NDE1: variants seen among roughly 807,000 people sequenced by gnomAD.
NDE1 encodes the protein nuclear distribution protein nudE homolog 1.
Under a neutral mutation model 43.4 loss-of-function variants are expected in NDE1, and 28 were observed. The ratio of observed to expected loss-of-function variants is 0.65; its 90% CI spans 0.48 to 0.89. The LOEUF is 0.89. NDE1 is among the 40% of genes least tolerant of loss of function. NDE1 has a pLI of 0.00. For synonymous variants in NDE1, 184 were observed against 172.0 expected (o/e 1.07, Z -0.55); for missense variants, 441 against 434.1 (o/e 1.02, Z -0.14).
At chr16:15,697,818 T>G (rs1190873622) in intron 8 of NDE1, among the ~76,000 whole-genome samples, 2 of 147,296 alleles carry the variant, frequency 1.4e-5, no homozygotes, top group African/African-American at 2.5e-5. Flanking sequence ...TTTTGTTTTG[T>G]TTTTTTTTTG....
chr16:15,668,606 C>T (rs1216506603), intron 3 of NDE1, among the ~76,000 whole-genome samples: 1 of 152,148 alleles, frequency 6.6e-6, no homozygotes, highest in African/African-American at 2.4e-5. Flanking sequence ...AGAGTAATAT[C>T]ATCAGGTCCA....
chr16:15,667,783 T>C (rs1198816362), intron 3 of NDE1, among the ~76,000 whole-genome samples: 6 of 151,666 alleles, frequency 4.0e-5, no homozygotes, highest in Non-Finnish European at 8.8e-5. Flanking sequence ...AGGCGCCTGC[T>C]ACCACGCCTG....
intron 8 of NDE1, chr16:15,699,843 G>T (rs1253201061): frequency 7.4e-7 from 1 of 1,347,668 alleles, no homozygotes; most frequent in Non-Finnish European, 9.8e-7. Context: ...GAAGCTGAAG[G>T]TCTTGGTGTT....
intron 8 of NDE1, chr16:15,703,872 G>C: frequency 7.4e-7 from 1 of 1,352,182 alleles, no homozygotes; most frequent in Non-Finnish European, 1.1e-6. Context: ...AATGGATTTA[G>C]ACAATGCTAA....
chr16:15,696,252 A>G (rs59493549), intron 7 of NDE1, among the ~76,000 whole-genome samples: 4,714 of 151,842 alleles, frequency 0.031, 260 homozygotes, highest in African/African-American at 0.11. Flanking sequence ...GCGGATGCCT[A>G]TAATTCCAGC....
At chr16:15,708,802 C>G (rs557821702) in intron 8 of NDE1, 5 of 1,607,542 alleles carry the variant, frequency 3.1e-6, no homozygotes, top group Admixed American at 3.4e-5. Flanking sequence ...AGGCATGATA[C>G]CTGGTGCATC....
At chr16:15,694,371 G>C (rs1164347550) in intron 7 of NDE1, 115 bp downstream of exon 7, 1 of 1,540,268 alleles carries the variant, frequency 6.5e-7, no homozygotes, top group South Asian at 1.2e-5. Context: ...TTAGAGACAG[G>C]GTCTTGCTCT....
intron 8 of NDE1, among the ~76,000 whole-genome samples, chr16:15,716,913 G>A (rs1259292324): frequency 1.4e-4 from 21 of 152,232 alleles, no homozygotes; most frequent in Admixed American, 1.4e-3. Flanking sequence ...GGACCATGGA[G>A]ATGCTAAGAG....
At chr16:15,704,261 C>T in intron 8 of NDE1, 1 of 918,612 alleles carries the variant, frequency 1.1e-6, no homozygotes, top group Non-Finnish European at 1.7e-6. Context: ...ACACACACGG[C>T]ACAAATAAGA....
chr16:15,723,055 T>G (rs2040568678), intron 8 of NDE1, among the ~76,000 whole-genome samples: 2 of 152,162 alleles, frequency 1.3e-5, no homozygotes, highest in South Asian at 4.1e-4. Flanking sequence ...CTCAAACTGA[T>G]TTTTAGAATA....
intron 7 of NDE1, chr16:15,694,945 G>T (rs1029145730): frequency 9.6e-5 from 93 of 968,482 alleles, no homozygotes; most frequent in Non-Finnish European, 1.1e-4. Context: ...GCCAAGGTGG[G>T]AGATTACTTG....
chr16:15,691,181 G>A lies in NDE1; in HGVS notation c.561G>A (p.Glu187=), dbSNP rs770820330. 5 of 1,614,132 alleles carry A rather than the reference G, an allele frequency of 3.1e-6. No homozygotes were observed. In the East Asian group the frequency reaches 8.9e-5, roughly 29 times the overall value. ...RQELAVQQKQ[E]KPRTPMPSSV... is the part of the protein sequence containing the mutation. ...AACTGGCCGTGCAGCAGAAGCAGGA[G>A]AAACCCAGGACCCCCATGCCCAGCT... The change falls in exon 6 of 9, where the codon GAG becomes GAA. Residue 187 remains glutamate (E), a synonymous_variant. Coordinates refer to ENST00000396354, the MANE Select transcript of NDE1 (RefSeq NM_017668.3).
chr16:15,692,831 G>C (rs2038819218), intron 6 of NDE1, among the ~76,000 whole-genome samples: 1 of 151,852 alleles, frequency 6.6e-6, no homozygotes, highest in East Asian at 1.9e-4. Context: ...CCAACTCCTG[G>C]GCTCCAGTGA....
At chr16:15,702,770 A>G (rs2039264962) in intron 8 of NDE1, among the ~76,000 whole-genome samples, 1 of 152,156 alleles carries the variant, frequency 6.6e-6, no homozygotes, top group Non-Finnish European at 1.5e-5. Context: ...TTTTAACTCA[A>G]AAAATCAAGG....
exon 1 of NDE1, chr16:15,643,591 G>A (rs920716102): frequency 3.3e-6 from 1 of 302,914 alleles, no homozygotes; most frequent in South Asian, 2.6e-5. Context: ...TCCTCTCTCG[G>A]GTCTCGTCAC....
intron 7 of NDE1, 95 bp downstream of exon 7, chr16:15,694,351 TTC>T (rs1265744306): frequency 1.4e-5 from 21 of 1,550,932 alleles, no homozygotes; most frequent in Middle Eastern, 1.9e-4. Context: ...TCTTCTTTTT[TTC>T]TTTTTTTTTA....
At chr16:15,720,743 AAAG>A in intron 8 of NDE1, 2 of 1,296,558 alleles carry the variant, frequency 1.5e-6, no homozygotes, top group Non-Finnish European at 2.1e-6. Context: ...AAAAAAAAAT[AAAG>A]AAAACGAAGT....
At chr16:15,717,777 C>T (rs1184524268) in intron 8 of NDE1, 1 of 273,710 alleles carries the variant, frequency 3.7e-6, no homozygotes, top group African/African-American at 2.2e-5. Context: ...GCCTGGGCCA[C>T]AGAGAGACCC....
chr16:15,688,568 G>C (rs537638329), intron 5 of NDE1, among the ~76,000 whole-genome samples: 2 of 148,368 alleles, frequency 1.3e-5, no homozygotes, highest in South Asian at 4.3e-4. Context: ...GGGAGGTGGA[G>C]GTTGTAGTGA....
Sources: gnomAD v4.1 joint callset for allele counts (sites outside exome capture counted in the v4.1 genomes callset) on GRCh38, gnomAD v4.1.1 for gene constraint, MANE v1.5 for transcripts, NCBI Gene and HGNC (gene_info 2026-07-23, HGNC 2026-07-21) for gene names.